The following SMARCA2 variants were observed in gnomAD, a reference collection of about 807,000 sequenced individuals.
The protein encoded by SMARCA2 is SWI/SNF related BAF chromatin remodeling complex subunit ATPase 2.
Under a neutral mutation model 199.8 loss-of-function variants are expected in SMARCA2, and 61 were observed. That is an observed-to-expected ratio of 0.31 (90% CI 0.25 to 0.38). The LOEUF (loss-of-function observed/expected upper bound fraction) is 0.38, where lower values mean the gene tolerates loss of function less well. Ranked by LOEUF, SMARCA2 falls within the 10% of genes least tolerant of loss-of-function variation. SMARCA2 has a pLI of 1.00. For missense variants in SMARCA2, 1,344 were observed against 2,012.2 expected, an observed-to-expected ratio of 0.67 and a Z score of 6.35; for synonymous variants, 935 against 732.0, an observed-to-expected ratio of 1.28 and a Z score of -4.48.
At position 2,193,338 on chromosome 9, in the gene SMARCA2, G is replaced by C. The variant is rs1445669656; in HGVS notation, c.*599G>C. 2 of 152,564 alleles carry C rather than the reference G, an allele frequency of 1.3e-5. No homozygotes were observed. Among genetic ancestry groups the C allele is most frequent in the Non-Finnish European group, 2.9e-5 (2 of 68,016 alleles). 9.5% of individuals were successfully genotyped at this position (152,564 alleles called of 1,614,324 possible). ...GAATTGTATAAGATTTATGTCTACT[G>C]TAAACATTGCTTAATTTTTTTGCTC... On this transcript the variant is annotated 3_prime_UTR_variant, in exon 34 of 34. Transcript: ENST00000349721.
At chr9:2,050,515 G>A (rs1820071029) in intron 5 of SMARCA2, among the ~76,000 whole-genome samples, 1 of 152,056 alleles carries the variant, frequency 6.6e-6, no homozygotes, top group South Asian at 2.1e-4. Flanking sequence ...TATTTGGGAA[G>A]AACATGTCTG....
intron 33 of SMARCA2, chr9:2,192,487 G>C: frequency 1.7e-6 from 1 of 586,824 alleles, no homozygotes. Context: ...AGCTTAGAGG[G>C]TGGGCTTTGC....
At chr9:2,172,423 G>T (rs1255614961) in intron 29 of SMARCA2, among the ~76,000 whole-genome samples, 1 of 151,344 alleles carries the variant, frequency 6.6e-6, no homozygotes, top group Non-Finnish European at 1.5e-5. Flanking sequence ...ACAGACGGGT[G>T]AAGGGAGGAT....
At chr9:2,178,721 T>TTTAA in intron 29 of SMARCA2, among the ~76,000 whole-genome samples, 1 of 151,702 alleles carries the variant, frequency 6.6e-6, no homozygotes, top group South Asian at 2.1e-4. Flanking sequence ...TGTTTGTTTG[T>TTTAA]TTAATTTTTT....
At chr9:2,190,059 G>C (rs1037206943) in intron 32 of SMARCA2, among the ~76,000 whole-genome samples, 1 of 152,148 alleles carries the variant, frequency 6.6e-6, no homozygotes, top group Admixed American at 6.5e-5. Flanking sequence ...TACCAAAAAT[G>C]GTATTCTGTG....
At chr9:2,192,378 T>TC in intron 33 of SMARCA2, 1 of 311,022 alleles carries the variant, frequency 3.2e-6, no homozygotes, top group Non-Finnish European at 5.9e-6. Flanking sequence ...AAATGCAGGG[T>TC]ATTTTTTTTT....
chr9:2,076,280 G>T lies in SMARCA2; in HGVS notation c.1987G>T (p.Asp663Tyr). 2.5e-6 allele frequency: 4 copies of T among 1,613,212 alleles called. No homozygotes were observed. The highest frequency in any genetic ancestry group is 3.4e-6 in the Non-Finnish European group (4 of 1,179,176). Residue 663 changes from aspartate (D) to tyrosine (Y), a missense_variant, in exon 13 of 34, where the codon GAT becomes TAT. By Grantham distance (160) the Asp-to-Tyr change is radical. Around this residue, in one of 18 missense-constraint regions of SMARCA2, gnomAD observed 106 missense variants for 179.7 expected, o/e 0.59. Transcript: ENST00000349721. ...GGAAACCGAAGAGAAAATACTCCTG[G>T]ATCCAAATAGCGAAGAAGTTTCTGA... is the stretch of plus-strand genomic sequence containing the variant. ...RQETEEKILL[D>Y]PNSEEVSEKD...
At chr9:2,184,467 C>G (rs1328918080) in intron 31 of SMARCA2, among the ~76,000 whole-genome samples, 3 of 151,376 alleles carry the variant, frequency 2.0e-5, no homozygotes, top group African/African-American at 4.9e-5. Flanking sequence ...ATTCTTCTGC[C>G]TCACCCTCCC....
chr9:2,063,494 T>C (rs1403533063), intron 9 of SMARCA2, among the ~76,000 whole-genome samples: 1 of 152,162 alleles, frequency 6.6e-6, no homozygotes, highest in African/African-American at 2.4e-5. Context: ...TAGTATTAAG[T>C]ATTATGCTGT....
intron 3 of SMARCA2, among the ~76,000 whole-genome samples, chr9:2,035,926 T>C (rs17530185): frequency 0.031 from 4,784 of 152,280 alleles, 123 homozygotes; most frequent in Non-Finnish European, 0.048. Context: ...AGCACGTGTC[T>C]TTAAAAAACT....
chr9:2,141,343 T>C (rs1351641485), intron 27 of SMARCA2, among the ~76,000 whole-genome samples: 1 of 152,166 alleles, frequency 6.6e-6, no homozygotes, highest in East Asian at 1.9e-4. Context: ...GTAGGGAGTA[T>C]GGTTTTTGGA....
At chr9:2,156,355 T>G (rs908345616) in intron 27 of SMARCA2, among the ~76,000 whole-genome samples, 1 of 151,182 alleles carries the variant, frequency 6.6e-6, no homozygotes, top group East Asian at 1.9e-4. Context: ...GATAATTTGG[T>G]TTCTTTTCAG....
Position 2,119,636 on chromosome 9 carries a change from C to T in SMARCA2, c.3762+101C>T, listed in dbSNP as rs527846769. ...CCTGCGTGCCTGGCAGAACTTCATACGTAAAGCCTATGCCTTTCCTTCAGT... is the reference window on the plus strand; with the variant it reads ...CCTGCGTGCCTGGCAGAACTTCATATGTAAAGCCTATGCCTTTCCTTCAGT... On this transcript the variant is annotated intron_variant, in intron 26 of 33. Coordinates refer to ENST00000349721, the MANE Select transcript of SMARCA2 (RefSeq NM_003070.5). This position sits in a 1 kb window ranked among gnomAD's most constrained non-coding sequence, Gnocchi z 4.6. 427 of 769,898 alleles carry T rather than the reference C, an allele frequency of 5.5e-4. 7 individuals carry two copies. In the South Asian group the frequency reaches 6.1e-3, roughly 11 times the overall value. 47.7% of individuals were successfully genotyped at this position (769,898 alleles called of 1,614,324 possible). A position where few individuals can be genotyped will look rare whatever the true frequency, so the allele number is the denominator to read the frequency against.
At chr9:2,156,593 G>T (rs781465341) in intron 27 of SMARCA2, among the ~76,000 whole-genome samples, 1 of 151,778 alleles carries the variant, frequency 6.6e-6, no homozygotes, top group African/African-American at 2.4e-5. Flanking sequence ...CACCATGCCC[G>T]GCTAATTTTG....
intron 27 of SMARCA2, among the ~76,000 whole-genome samples, chr9:2,138,737 G>A (rs747151508): frequency 1.3e-5 from 2 of 152,134 alleles, no homozygotes; most frequent in Non-Finnish European, 2.9e-5. Context: ...CTACATTGGA[G>A]TCATGAAATG....
chr9:2,090,537 C>T (rs1014735302), intron 19 of SMARCA2, among the ~76,000 whole-genome samples: 2 of 152,144 alleles, frequency 1.3e-5, no homozygotes, highest in Admixed American at 1.3e-4. Context: ...AGATAAATGA[C>T]TCTGTCTTAT....
At chr9:2,162,654 G>C (rs183030682) in intron 28 of SMARCA2, 118 of 152,236 alleles carry the variant, frequency 7.8e-4, no homozygotes, top group African/African-American at 2.7e-3. Context: ...TTTGAAGATG[G>C]CTTCTCGTTT....
chr9:2,176,263 C>G (rs1003100797), intron 29 of SMARCA2, among the ~76,000 whole-genome samples: 8 of 143,036 alleles, frequency 5.6e-5, no homozygotes, highest in African/African-American at 2.1e-4. Flanking sequence ...CTCTTGCATT[C>G]TATTACTTGT....
rs377427923 is a variant in SMARCA2, at chr9:2,170,092, G to A, written c.4200-327G>A. On this transcript the variant is annotated intron_variant, in intron 28 of 33. Coordinates refer to ENST00000349721, the MANE Select transcript of SMARCA2 (RefSeq NM_003070.5). This position sits in a 1 kb window ranked among gnomAD's most constrained non-coding sequence, Gnocchi z 4.7. ...TAGCACTACCTTCCCAAGATCACAC[G>A]CACCTCTAGCCAGTGGCTGCCTGTC... Among the ~76,000 whole-genome samples, 47 of 152,256 alleles carry A rather than the reference G, an allele frequency of 3.1e-4. No individual in the cohort carries two copies. The highest frequency in any genetic ancestry group is 4.6e-4 in the African/African-American group (19 of 41,546).
Sources: gnomAD v4.1 joint callset for allele counts (sites outside exome capture counted in the v4.1 genomes callset) on GRCh38, gnomAD v4.1.1 for gene constraint, gnomAD v4.1.1 regional missense constraint, Gnocchi (gnomAD v3.1) non-coding constraint, MANE v1.5 for transcripts, NCBI Gene and HGNC (gene_info 2026-07-23, HGNC 2026-07-21) for gene names.